Variants in REDIC1 observed in about 807,000 individuals in gnomAD.
The protein encoded by REDIC1 is HEI10 Interacting Protein 1.
the REDIC1 span, among the ~76,000 whole-genome samples, chr12:39,816,457 C>T: frequency 1.3e-5 from 2 of 149,394 alleles, no homozygotes; most frequent in African/African-American, 4.9e-5. Flanking sequence ...GGAGGGATAG[C>T]ATTAGGAGAT....
At chr12:39,638,665 A>G in the REDIC1 span, among the ~76,000 whole-genome samples, 8 of 152,066 alleles carry the variant, frequency 5.3e-5, no homozygotes, top group African/African-American at 1.9e-4. Context: ...ATATCATTCT[A>G]TTAATAACAG....
chr12:39,871,485 G>GA, the REDIC1 span, among the ~76,000 whole-genome samples: 191 of 150,466 alleles, frequency 1.3e-3, 2 homozygotes, highest in African/African-American at 4.0e-3. Context: ...AAAAAGGATA[G>GA]AAAAAAAAAA....
chr12:39,696,281 C>T, the REDIC1 span, among the ~76,000 whole-genome samples: 7 of 151,186 alleles, frequency 4.6e-5, no homozygotes, highest in Non-Finnish European at 8.9e-5. Flanking sequence ...CGGTGGCTCA[C>T]GCCTGTAATC....
the REDIC1 span, among the ~76,000 whole-genome samples, chr12:39,747,105 G>C: frequency 2.4e-3 from 361 of 152,322 alleles, 1 homozygote; most frequent in African/African-American, 8.2e-3. Context: ...AGAGAAGAAG[G>C]CTTCAGATGA....
At chr12:39,789,214 C>A in the REDIC1 span, among the ~76,000 whole-genome samples, 400 of 152,126 alleles carry the variant, frequency 2.6e-3, 1 homozygote, top group Non-Finnish European at 4.5e-3. Context: ...TTATTTATAT[C>A]CTTGTTTTTC....
chr12:39,871,891 C>T, the REDIC1 span: 4 of 1,612,016 alleles, frequency 2.5e-6, no homozygotes, highest in Non-Finnish European at 3.4e-6. Flanking sequence ...AAGGCTGTAA[C>T]TGAAGCCAGC....
At chr12:39,898,510 C>A in the REDIC1 span, among the ~76,000 whole-genome samples, 2 of 151,862 alleles carry the variant, frequency 1.3e-5, no homozygotes, top group African/African-American at 4.8e-5. Flanking sequence ...TTTCCCCCCT[C>A]TATCATTGAA....
the REDIC1 span, chr12:39,626,478 T>C: frequency 3.1e-6 from 4 of 1,306,214 alleles, no homozygotes; most frequent in Non-Finnish European, 3.2e-6. Context: ...AGGGTCTTTT[T>C]ATTGTTATCC....
chr12:39,891,948 A>G, the REDIC1 span, among the ~76,000 whole-genome samples: 3 of 152,162 alleles, frequency 2.0e-5, no homozygotes, highest in Admixed American at 2.0e-4. Context: ...GAATAATCCT[A>G]TTTTGGGAAA....
the REDIC1 span, among the ~76,000 whole-genome samples, chr12:39,842,980 G>T: frequency 6.6e-6 from 1 of 151,900 alleles, no homozygotes; most frequent in Admixed American, 6.6e-5. Flanking sequence ...TCCACTGTAG[G>T]ATATATCACA....
chr12:39,752,009 A>G, the REDIC1 span, among the ~76,000 whole-genome samples: 1 of 152,176 alleles, frequency 6.6e-6, no homozygotes, highest in African/African-American at 2.4e-5. Flanking sequence ...TATGTAAGAA[A>G]CCTGCACATT....
chr12:39,742,065 G>A, the REDIC1 span, among the ~76,000 whole-genome samples: 2 of 152,086 alleles, frequency 1.3e-5, no homozygotes, highest in Admixed American at 1.3e-4. Context: ...ATGGTGGGGG[G>A]TATAATGAGG....
chr12:39,673,455 A>G, the REDIC1 span, among the ~76,000 whole-genome samples: 15 of 152,178 alleles, frequency 9.9e-5, no homozygotes, highest in African/African-American at 3.6e-4. Context: ...TTGTGCTCGG[A>G]ACATTTATTT....
At chr12:39,811,222 T>C in the REDIC1 span, among the ~76,000 whole-genome samples, 5 of 152,086 alleles carry the variant, frequency 3.3e-5, no homozygotes, top group Admixed American at 3.3e-4. Flanking sequence ...AGTCCAGCTA[T>C]GACTTAATCT....
At chr12:39,777,557 C>A in the REDIC1 span, among the ~76,000 whole-genome samples, 1 of 152,172 alleles carries the variant, frequency 6.6e-6, no homozygotes, top group Non-Finnish European at 1.5e-5. Flanking sequence ...TGTTTTCCTG[C>A]ACAAATGTTG....
the REDIC1 span, among the ~76,000 whole-genome samples, chr12:39,897,684 A>G: frequency 1.2e-3 from 185 of 152,314 alleles, 2 homozygotes; most frequent in African/African-American, 4.1e-3. Context: ...GTGAATTTTC[A>G]TTTAAATTTG....
the REDIC1 span, among the ~76,000 whole-genome samples, chr12:39,714,141 A>ATATATGTATATACATGCATATATGCG: frequency 8.7e-5 from 13 of 148,978 alleles, no homozygotes; most frequent in African/African-American, 3.0e-4. Flanking sequence ...GTACATACGT[A>ATATATGTATATACATGCATATATGCG]TATATGTATA....
the REDIC1 span, among the ~76,000 whole-genome samples, chr12:39,895,485 G>T: frequency 1.7e-5 from 1 of 59,192 alleles, no homozygotes. Flanking sequence ...GCGAGACTCT[G>T]TCTCAAAAAA....
At chr12:39,760,976 A>ACACACAC in the REDIC1 span, among the ~76,000 whole-genome samples, 6 of 150,256 alleles carry the variant, frequency 4.0e-5, no homozygotes, top group East Asian at 2.0e-4. Flanking sequence ...ACACACACAT[A>ACACACAC]ATTGAATTGC....
Sources: allele counts gnomAD v4.1 joint callset (sites outside exome capture counted in the v4.1 genomes callset), GRCh38; gene constraint gnomAD v4.1.1; transcripts MANE v1.5; gene names NCBI Gene and HGNC (gene_info 2026-07-23, HGNC 2026-07-21).